Variants in APLF observed in about 807,000 individuals in gnomAD.
APLF encodes the protein aprataxin and PNK-like factor.
APLF carries 61 observed loss-of-function variants against 55.6 expected under a neutral mutation model. That is an observed-to-expected ratio of 1.10 (90% CI 0.89 to 1.36). APLF has a LOEUF of 1.36. Ranked by LOEUF, APLF falls within the 40% of genes most tolerant of loss-of-function variation. APLF has a pLI of 0.00. For missense variants in APLF, 611 were observed against 602.5 expected (o/e 1.01, Z -0.15); for synonymous variants, 207 against 214.8 (o/e 0.96, Z 0.32).
At chr2:68,552,498 A>G (rs1266516124) in intron 8 of APLF, among the ~76,000 whole-genome samples, 1 of 152,170 alleles carries the variant, frequency 6.6e-6, no homozygotes, top group Non-Finnish European at 1.5e-5. Context: ...AATCTCTGGA[A>G]TTTTAGATAA....
At chr2:68,522,143 C>T (rs1669915101) in intron 5 of APLF, among the ~76,000 whole-genome samples, 1 of 151,630 alleles carries the variant, frequency 6.6e-6, no homozygotes. Flanking sequence ...TGTTCTTATT[C>T]CTGATTTTAA....
chr2:68,540,660 T>A (rs995411945), intron 7 of APLF, among the ~76,000 whole-genome samples: 2 of 152,154 alleles, frequency 1.3e-5, no homozygotes, highest in African/African-American at 4.8e-5. Context: ...CTCCACATCC[T>A]CTCTAGCACC....
intron 2 of APLF, among the ~76,000 whole-genome samples, chr2:68,494,515 AG>A (rs1194634692): frequency 6.6e-6 from 1 of 151,830 alleles, no homozygotes; most frequent in Non-Finnish European, 1.5e-5. Flanking sequence ...TTTTAAGCTC[AG>A]GGATACACGT....
intron 9 of APLF, among the ~76,000 whole-genome samples, chr2:68,568,977 G>A (rs975090353): frequency 2.6e-5 from 4 of 152,066 alleles, no homozygotes; most frequent in Non-Finnish European, 5.9e-5. Context: ...GGGATTTTGA[G>A]TATTTCAAAT....
intron 3 of APLF, among the ~76,000 whole-genome samples, chr2:68,508,299 G>A (rs1243829552): frequency 6.6e-6 from 1 of 151,832 alleles, no homozygotes; most frequent in Non-Finnish European, 1.5e-5. Context: ...GGGTCCAGAA[G>A]TAAACCCCTA....
chr2:68,482,448 C>G (rs541247307), intron 1 of APLF, among the ~76,000 whole-genome samples: 1 of 151,996 alleles, frequency 6.6e-6, no homozygotes, highest in South Asian at 2.1e-4. Flanking sequence ...GAGATGGGCT[C>G]GCCAGGCTGG....
intron 9 of APLF, among the ~76,000 whole-genome samples, chr2:68,569,680 G>A (rs1679001568): frequency 6.6e-6 from 1 of 152,170 alleles, no homozygotes; most frequent in Admixed American, 6.6e-5. Context: ...CTGGAGATTA[G>A]TTAGGTAGAA....
intron 1 of APLF, among the ~76,000 whole-genome samples, chr2:68,480,285 G>GT (rs1343382187): frequency 5.3e-5 from 8 of 150,858 alleles, no homozygotes; most frequent in African/African-American, 1.7e-4. Flanking sequence ...TTTCCATTTA[G>GT]ATGCCCTTTC....
intron 7 of APLF, among the ~76,000 whole-genome samples, chr2:68,538,946 A>G (rs541203469): frequency 9.8e-5 from 15 of 152,304 alleles, no homozygotes; most frequent in African/African-American, 3.4e-4. Context: ...GTCAGCATGT[A>G]TACATATAAA....
At chr2:68,528,145 A>G (rs556933937) in intron 6 of APLF, 20 of 610,912 alleles carry the variant, frequency 3.3e-5, no homozygotes, top group Non-Finnish European at 5.5e-5. Context: ...TGGTGCAGGC[A>G]GAGATGCTCC....
At chr2:68,536,066 C>G (rs1390011634) in intron 6 of APLF, among the ~76,000 whole-genome samples, 1 of 152,074 alleles carries the variant, frequency 6.6e-6, no homozygotes, top group East Asian at 1.9e-4. Flanking sequence ...GGGGAACTGC[C>G]TAGTAGGGAG....
At chr2:68,576,059 C>T (rs953062411) in intron 9 of APLF, among the ~76,000 whole-genome samples, 1 of 152,036 alleles carries the variant, frequency 6.6e-6, no homozygotes, top group Non-Finnish European at 1.5e-5. Flanking sequence ...AGCAGAGAAC[C>T]TGGAGTTGTT....
chr2:68,556,818 T>C (rs1272214456), intron 8 of APLF, among the ~76,000 whole-genome samples: 1 of 152,114 alleles, frequency 6.6e-6, no homozygotes, highest in Non-Finnish European at 1.5e-5. Context: ...GGGAAGGCCT[T>C]AGGAGGTGTG....
At chr2:68,559,403 A>G (rs879205044) in intron 8 of APLF, among the ~76,000 whole-genome samples, 3 of 152,114 alleles carry the variant, frequency 2.0e-5, no homozygotes, top group African/African-American at 4.8e-5. Context: ...AGCTAATTCA[A>G]TTTAATGGTT....
At chr2:68,557,866 G>A (rs372903156) in intron 8 of APLF, among the ~76,000 whole-genome samples, 7 of 151,150 alleles carry the variant, frequency 4.6e-5, no homozygotes, top group East Asian at 3.9e-4. Context: ...AGCTGAGATC[G>A]CACCACTGCA....
intron 3 of APLF, among the ~76,000 whole-genome samples, chr2:68,510,538 G>A (rs1677017692): frequency 6.6e-6 from 1 of 151,784 alleles, no homozygotes. Flanking sequence ...GTGTTGGTGA[G>A]GTTGTGAAGA....
chr2:68,495,521 A>AT (rs1223742105), intron 2 of APLF, among the ~76,000 whole-genome samples: 2 of 152,186 alleles, frequency 1.3e-5, no homozygotes, highest in African/African-American at 2.4e-5. Context: ...TGGAGGGTAC[A>AT]TTCTCTGAGG....
chr2:68,498,932 T>A (rs952255670), intron 2 of APLF, among the ~76,000 whole-genome samples: 8 of 152,184 alleles, frequency 5.3e-5, no homozygotes, highest in African/African-American at 1.9e-4. Flanking sequence ...TTGAGATTGT[T>A]TTTCTTCTCA....
intron 1 of APLF, among the ~76,000 whole-genome samples, chr2:68,475,149 G>T (rs945116200): frequency 2.6e-5 from 4 of 152,170 alleles, no homozygotes; most frequent in African/African-American, 9.7e-5. Context: ...GTCCCAAGTG[G>T]TGCTTTAAAC....
Sources: gnomAD v4.1 joint callset for allele counts (sites outside exome capture counted in the v4.1 genomes callset) on GRCh38, gnomAD v4.1.1 for gene constraint, MANE v1.5 for transcripts, NCBI Gene and HGNC (gene_info 2026-07-23, HGNC 2026-07-21) for gene names.